Variants in ARID5B observed in about 807,000 individuals in gnomAD.
ARID5B encodes the protein AT-rich interactive domain-containing protein 5B.
ARID5B carries 13 observed loss-of-function variants against 97.2 expected under a neutral mutation model. The ratio of observed to expected loss-of-function variants is 0.13; its 90% CI spans 0.09 to 0.21. ARID5B has a LOEUF of 0.21. Among genes scored for constraint, ARID5B ranks in the 10% least tolerant of loss-of-function variants. The pLI is 1.00. For synonymous variants in ARID5B, 556 were observed against 570.3 expected (o/e 0.97, Z 0.36); for missense variants, 1,210 against 1,465.3 (o/e 0.83, Z 2.84).
intron 3 of ARID5B, among the ~76,000 whole-genome samples, chr10:61,953,032 C>CT (rs1838344785): frequency 6.6e-6 from 1 of 151,676 alleles, no homozygotes; most frequent in African/African-American, 2.4e-5. Flanking sequence ...TGTTTGTAAT[C>CT]TTTTTTTAAG....
chr10:62,093,889 C>T lies in ARID5B; in HGVS notation c.*859C>T, dbSNP rs1371163272. On this transcript the variant is annotated 3_prime_UTR_variant, in exon 10 of 10. Transcript: ENST00000279873. ...GTCAAGCACACAATAGTGCAAAGAACGTTCCTTTGTAGATCCGCAACTTAA... is the reference window on the plus strand; with the variant it reads ...GTCAAGCACACAATAGTGCAAAGAATGTTCCTTTGTAGATCCGCAACTTAA... 2.6e-5 allele frequency: 6 copies of T among 233,470 alleles called. No homozygotes were observed. Among genetic ancestry groups the T allele is most frequent in the Admixed American group, 2.3e-4 (4 of 17,766 alleles). 14.5% of individuals were successfully genotyped at this position (233,470 alleles called of 1,614,324 possible).
intron 2 of ARID5B, among the ~76,000 whole-genome samples, chr10:61,929,057 G>T (rs1052911704): frequency 2.0e-5 from 3 of 152,150 alleles, no homozygotes; most frequent in African/African-American, 7.2e-5. Context: ...GAATGGTTCC[G>T]TCAGGACACA....
intron 2 of ARID5B, 51 bp downstream of exon 2, chr10:61,902,464 G>A (rs766581818): frequency 3.8e-6 from 6 of 1,597,708 alleles, no homozygotes; most frequent in South Asian, 1.1e-5. Context: ...TTTCCCCCTA[G>A]TAATGCTTAT....
intron 4 of ARID5B, among the ~76,000 whole-genome samples, chr10:62,019,363 G>T (rs938744058): frequency 1.3e-5 from 2 of 152,036 alleles, no homozygotes; most frequent in Admixed American, 6.6e-5. Flanking sequence ...TGGCAGCCTC[G>T]GGACTATGAA....
intron 4 of ARID5B, among the ~76,000 whole-genome samples, chr10:62,028,818 G>A (rs532370416): frequency 2.0e-5 from 3 of 152,156 alleles, no homozygotes; most frequent in Non-Finnish European, 4.4e-5. Context: ...AAAATTAGCC[G>A]TGCATGGTGG....
rs116461949 is a variant in ARID5B at position 62,059,935 on chromosome 10, A to G, written c.1101+640A>G. Reference sequence around the variant, plus strand: ...TGAACCAATGAAACATTACAGCAACAAACTGAGATTAAAATCTTTAAATAA... The same window carrying G: ...TGAACCAATGAAACATTACAGCAACGAACTGAGATTAAAATCTTTAAATAA... On this transcript the variant is annotated intron_variant, in intron 7 of 9. Transcript: ENST00000279873. Among the ~76,000 whole-genome samples, 679 of 152,302 alleles carry G rather than the reference A, an allele frequency of 4.5e-3. 5 individuals are homozygous for G. The highest frequency in any genetic ancestry group is 0.016 in the African/African-American group (649 of 41,550).
At chr10:62,027,021 C>T (rs1839429207) in intron 4 of ARID5B, among the ~76,000 whole-genome samples, 4 of 152,156 alleles carry the variant, frequency 2.6e-5, no homozygotes, top group Non-Finnish European at 2.9e-5. Context: ...ATATGCATGA[C>T]AAGTTGTATC....
chr10:62,083,063 A>T (rs1055765131), intron 8 of ARID5B, among the ~76,000 whole-genome samples: 2 of 150,016 alleles, frequency 1.3e-5, no homozygotes, highest in African/African-American at 5.0e-5. Flanking sequence ...ACACACACAC[A>T]CTCTCTCACA....
chr10:62,035,127 C>T (rs1839545579), intron 4 of ARID5B, among the ~76,000 whole-genome samples: 1 of 152,142 alleles, frequency 6.6e-6, no homozygotes, highest in African/African-American at 2.4e-5. Flanking sequence ...TATGTCTTCC[C>T]CTTATTAATG....
chr10:61,902,705 G>GTGTGTGTGTGTGTA (rs1843638815), intron 2 of ARID5B, among the ~76,000 whole-genome samples: 1 of 146,002 alleles, frequency 6.8e-6, no homozygotes, highest in African/African-American at 2.5e-5. Context: ...GTGTGTGTAT[G>GTGTGTGTGTGTGTA]TGTGTGTGTG....
At chr10:62,042,440 T>G (rs561480631) in intron 4 of ARID5B, among the ~76,000 whole-genome samples, 2 of 152,232 alleles carry the variant, frequency 1.3e-5, no homozygotes, top group African/African-American at 4.8e-5. Flanking sequence ...AGAGTCCACT[T>G]TTGGTTTTAC....
intron 3 of ARID5B, among the ~76,000 whole-genome samples, chr10:61,956,248 A>T (rs978308778): frequency 2.0e-5 from 3 of 152,142 alleles, no homozygotes; most frequent in African/African-American, 7.2e-5. Context: ...TTATCATAGG[A>T]GCACAAACCC....
At chr10:62,071,910 G>A (rs1286460574) in intron 8 of ARID5B, among the ~76,000 whole-genome samples, 1 of 152,192 alleles carries the variant, frequency 6.6e-6, no homozygotes, top group Non-Finnish European at 1.5e-5. Context: ...AATTTGGTCA[G>A]TGTATGAGTC....
At chr10:62,079,680 T>C (rs1445641631) in intron 8 of ARID5B, among the ~76,000 whole-genome samples, 4 of 152,116 alleles carry the variant, frequency 2.6e-5, no homozygotes, top group African/African-American at 9.7e-5. Flanking sequence ...TTCTTTCTTC[T>C]CTTCATTTAG....
chr10:62,044,719 T>A (rs1158066206), intron 4 of ARID5B, among the ~76,000 whole-genome samples: 1 of 152,228 alleles, frequency 6.6e-6, no homozygotes, highest in Non-Finnish European at 1.5e-5. Context: ...GAGGAAACTG[T>A]CAGAACAATT....
At chr10:62,002,892 A>C (rs546985137) in intron 4 of ARID5B, among the ~76,000 whole-genome samples, 3 of 152,282 alleles carry the variant, frequency 2.0e-5, no homozygotes, top group African/African-American at 7.2e-5. Context: ...GTCAAATGTA[A>C]TTTAGGTAAC....
chr10:62,052,483 G>A (rs921047518), intron 5 of ARID5B, among the ~76,000 whole-genome samples: 1 of 152,156 alleles, frequency 6.6e-6, no homozygotes, highest in Non-Finnish European at 1.5e-5. Context: ...GACAGCATTT[G>A]TTTACTCCAG....
At position 62,092,339 on chromosome 10, in the gene ARID5B, C is replaced by T; in HGVS notation, c.2876C>T (p.Pro959Leu). Reference protein sequence around the residue: ...DCHPKACRVSPMTMSGPKKYP... With the variant: ...DCHPKACRVSLMTMSGPKKYP... ...CACCCCAAAGCCTGTCGGGTATCAC[C>T]CATGACCATGTCAGGCCCTAAAAAA... Residue 959 changes from proline to leucine, a missense_variant, in exon 10 of 10, where the codon CCC (proline) becomes CTC (leucine). Physicochemically the swap from Pro to Leu is moderately conservative, Grantham distance 98. Around this residue, in one of 8 missense-constraint regions of ARID5B, gnomAD observed 800 missense variants for 839.1 expected, o/e 0.95. Coordinates refer to ENST00000279873, the MANE Select transcript of ARID5B (RefSeq NM_032199.3). The T allele has an allele frequency of 6.2e-7, 1 of 1,613,864 alleles. No individual in the cohort carries two copies. Among genetic ancestry groups the T allele is most frequent in the Non-Finnish European group, 8.5e-7 (1 of 1,179,860 alleles).
chr10:61,997,389 A>C (rs1157739116), intron 3 of ARID5B, among the ~76,000 whole-genome samples: 2 of 149,164 alleles, frequency 1.3e-5, no homozygotes, highest in Non-Finnish European at 3.0e-5. Context: ...ATGGTTAGAG[A>C]AAAAAAAAAG....
Sources: allele counts gnomAD v4.1 joint callset (sites outside exome capture counted in the v4.1 genomes callset), GRCh38; gene constraint gnomAD v4.1.1; regional missense constraint gnomAD v4.1.1; transcripts MANE v1.5; gene names NCBI Gene and HGNC (gene_info 2026-07-23, HGNC 2026-07-21).